Variants in USP3 observed in about 807,000 individuals in gnomAD.
The protein encoded by USP3 is ubiquitin specific peptidase 3, also known as ubiquitin carboxyl-terminal hydrolase 3.
A neutral mutation model predicts 72.3 loss-of-function variants in USP3; 20 were observed. That is an observed-to-expected ratio of 0.28 (90% confidence interval 0.19 to 0.40). USP3 has a LOEUF of 0.40. Among genes scored for constraint, USP3 ranks in the 10% least tolerant of loss-of-function variants. The pLI, the probability that USP3 is intolerant of heterozygous loss-of-function variation, is 1.00. For synonymous variants in USP3, 222 were observed against 225.3 expected, an observed-to-expected ratio of 0.99 and a Z score of 0.13; for missense variants, 479 against 633.9, an observed-to-expected ratio of 0.76 and a Z score of 2.62.
rs2152685922 is a variant in USP3 at position 63,591,079 on chromosome 15, ACTTAGT to A, written c.*258_*263del. 2.7e-6 allele frequency: 1 copy of A among 374,548 alleles called. No homozygotes were observed. Among genetic ancestry groups the A allele is most frequent in the Admixed American group, 4.6e-5 (1 of 21,706 alleles). The allele number at this position is 374,548 out of a possible 1,614,324, so 23.2% of individuals were successfully genotyped here. On this transcript the variant is annotated 3_prime_UTR_variant, in exon 15 of 15. Transcript: ENST00000380324. ...TCAATTTTTATAGGTAGTTGTAAGA[ACTTAGT>A]CTTATTTGACTTTTTTATTTTATGT...
Position 63,593,871 on chromosome 15 carries a change from A to G in USP3, c.*3045A>G, listed in dbSNP as rs1157408148. The G allele has an allele frequency of 1.3e-5, 2 of 152,238 alleles. No homozygotes were observed. The highest frequency in any genetic ancestry group is 3.9e-4 in the East Asian group (2 of 5,190). 9.4% of individuals were successfully genotyped at this position (152,238 alleles called of 1,614,324 possible). ...GAGGCAGGGCCTCGCGCTGAGTCACATGGCTCCTTGGAACAAGAAAACTTT... is the reference window on the plus strand; with the variant it reads ...GAGGCAGGGCCTCGCGCTGAGTCACGTGGCTCCTTGGAACAAGAAAACTTT... On this transcript the variant is annotated 3_prime_UTR_variant, in exon 15 of 15. Coordinates refer to ENST00000380324, the MANE Select transcript of USP3 (RefSeq NM_006537.4).
chr15:63,574,240 A>T lies in USP3; in HGVS notation c.1016-83A>T. 7.0e-7 allele frequency: 1 copy of T among 1,423,728 alleles called. No individual in the cohort carries two copies. The highest frequency in any genetic ancestry group is 1.5e-5 in the African/African-American group (1 of 68,328). 88.2% of individuals were successfully genotyped at this position (1,423,728 alleles called of 1,614,324 possible). A position where few individuals can be genotyped will look rare whatever the true frequency, so the allele number is the denominator to read the frequency against. On this transcript the variant is annotated intron_variant, in intron 10 of 14. Coordinates refer to ENST00000380324, the MANE Select transcript of USP3 (RefSeq NM_006537.4). This position sits in a 1 kb window ranked among gnomAD's most constrained non-coding sequence, Gnocchi z 4.6. Reference sequence around the variant, plus strand: ...AAAAAATAAGTGTAAAGAGAAATCTAGAAATACATCAGTTTGTGAAATTAT... The same window carrying T: ...AAAAAATAAGTGTAAAGAGAAATCTTGAAATACATCAGTTTGTGAAATTAT...
intron 2 of USP3, among the ~76,000 whole-genome samples, chr15:63,535,245 A>G (rs1322297888): frequency 3.9e-5 from 6 of 152,202 alleles, no homozygotes; most frequent in African/African-American, 9.7e-5. Flanking sequence ...ATTTTATTAA[A>G]TAGCGTTTCT....
intron 11 of USP3, among the ~76,000 whole-genome samples, chr15:63,582,646 C>T (rs2066983809): frequency 6.6e-6 from 1 of 152,162 alleles, no homozygotes; most frequent in South Asian, 2.1e-4. Context: ...AGGGAGACCA[C>T]TACATGGTCA....
Position 63,588,229 on chromosome 15 carries a change from C to G in USP3, c.1097-76C>G. The G allele has an allele frequency of 8.8e-7, 1 of 1,130,374 alleles. No individual in the cohort carries two copies. The highest frequency in any genetic ancestry group is 1.3e-6 in the Non-Finnish European group (1 of 798,694). 70.0% of individuals were successfully genotyped at this position (1,130,374 alleles called of 1,614,324 possible). On this transcript the variant is annotated intron_variant, in intron 11 of 14. Coordinates refer to ENST00000380324, the MANE Select transcript of USP3 (RefSeq NM_006537.4). This position sits in a 1 kb window ranked among gnomAD's most constrained non-coding sequence, Gnocchi z 4.6. ...AGCTAATAAAGCTGAGATTTTAAAC[C>G]TGGGTCTTTTTTCTACAGTACATTG...
At chr15:63,532,041 T>C (rs2066084106) in intron 1 of USP3, among the ~76,000 whole-genome samples, 1 of 152,192 alleles carries the variant, frequency 6.6e-6, no homozygotes, top group Non-Finnish European at 1.5e-5. Flanking sequence ...TTAATCAATA[T>C]TTCATTTCCA....
chr15:63,588,283 C>T lies in USP3; in HGVS notation c.1097-22C>T. ...CTACAAAAGGCATCTTGTTTTAATG[C>T]TGCCAAAATCAATTTGTTTAGATTG... On this transcript the variant is annotated intron_variant, in intron 11 of 14. Transcript: ENST00000380324. This position sits in a 1 kb window ranked among gnomAD's most constrained non-coding sequence, Gnocchi z 4.6. 6.4e-7 allele frequency: 1 copy of T among 1,559,070 alleles called. No individual in the cohort carries two copies. Among genetic ancestry groups the T allele is most frequent in the Non-Finnish European group, 8.7e-7 (1 of 1,152,312 alleles).
chr15:63,504,969 G>T (rs1276178911), intron 1 of USP3, 139 bp downstream of exon 1: 59 of 516,790 alleles, frequency 1.1e-4, no homozygotes, highest in Non-Finnish European at 1.4e-4. Flanking sequence ...GCTGGGGAGG[G>T]TACGCGATGA....
intron 6 of USP3, among the ~76,000 whole-genome samples, chr15:63,558,839 C>T (rs958380820): frequency 6.6e-6 from 1 of 152,172 alleles, no homozygotes; most frequent in African/African-American, 2.4e-5. Context: ...GGCGCCACTA[C>T]ACTCCAGCCT....
intron 8 of USP3, among the ~76,000 whole-genome samples, chr15:63,564,691 A>C (rs2066660287): frequency 6.6e-6 from 1 of 152,216 alleles, no homozygotes; most frequent in Non-Finnish European, 1.5e-5. Context: ...CGAATGTAGC[A>C]TGTGGAGTCT....
At chr15:63,573,981 GT>G in intron 9 of USP3, 64 bp from the exon 10 acceptor site, 1 of 1,187,408 alleles carries the variant, frequency 8.4e-7, no homozygotes, top group South Asian at 2.0e-5. Context: ...AATATTTGTA[GT>G]TTTTTAAATG....
chr15:63,565,302 T>TC (rs1337483250), intron 8 of USP3, among the ~76,000 whole-genome samples: 8 of 152,282 alleles, frequency 5.3e-5, no homozygotes, highest in Non-Finnish European at 4.4e-5. Flanking sequence ...TTCTTTTTTT[T>TC]CCCCACTGAA....
Position 63,528,226 on chromosome 15 carries a change from A to C in USP3, c.92-4421A>C, listed in dbSNP as rs962390176. 1.3e-5 allele frequency: 2 copies of C among 152,216 alleles called. No homozygotes were observed. The highest frequency in any genetic ancestry group is 4.8e-5 in the African/African-American group (2 of 41,438). The allele number at this position is 152,216 out of a possible 1,614,324, so 9.4% of individuals were successfully genotyped here. A position where few individuals can be genotyped will look rare whatever the true frequency, so the allele number is the denominator to read the frequency against. ...GTAAACCGAAGAAATTTGCTGGAGG[A>C]CGGGGTATCTTGGTTTGAGGAAATT... On this transcript the variant is annotated intron_variant, in intron 1 of 14. Coordinates refer to ENST00000380324, the MANE Select transcript of USP3 (RefSeq NM_006537.4). The surrounding 1 kb of genome is among the most constrained non-coding windows in gnomAD (Gnocchi z 4.3).
chr15:63,525,976 G>T (rs2065976031), intron 1 of USP3, among the ~76,000 whole-genome samples: 6 of 152,242 alleles, frequency 3.9e-5, no homozygotes, highest in Admixed American at 3.3e-4. Flanking sequence ...CTTGGATTTT[G>T]ATTTAACTTT....
At chr15:63,569,676 C>T (rs552296519) in intron 8 of USP3, among the ~76,000 whole-genome samples, 5 of 152,110 alleles carry the variant, frequency 3.3e-5, no homozygotes, top group African/African-American at 9.7e-5. Flanking sequence ...CTTCCCAGAC[C>T]TTCCACCTGT....
intron 9 of USP3, among the ~76,000 whole-genome samples, chr15:63,571,531 G>C (rs933438295): frequency 1.3e-5 from 2 of 152,154 alleles, no homozygotes; most frequent in African/African-American, 4.8e-5. Context: ...CCTGTGACCT[G>C]GGAGAATTGT....
In USP3 at chr15:63,529,564, A is replaced by G. The variant is rs1400881277; in HGVS notation, c.92-3083A>G. On this transcript the variant is annotated intron_variant, in intron 1 of 14. Transcript: ENST00000380324. The surrounding 1 kb of genome is among the most constrained non-coding windows in gnomAD (Gnocchi z 4.2). ...TTAAAAAAAATTAAAGCCTTGTGAG[A>G]TAGTTGATATTATAAGACTAGCTTT... 1.3e-5 allele frequency among the ~76,000 whole-genome samples: 2 copies of G among 152,218 alleles called. No individual in the cohort carries two copies. Among genetic ancestry groups the G allele is most frequent in the Non-Finnish European group, 2.9e-5 (2 of 68,038 alleles).
At chr15:63,516,926 C>CT (rs888622917) in intron 1 of USP3, among the ~76,000 whole-genome samples, 4 of 150,478 alleles carry the variant, frequency 2.7e-5, no homozygotes, top group South Asian at 2.1e-4. Context: ...CCAATTTATT[C>CT]TTTTTTTTCT....
intron 8 of USP3, among the ~76,000 whole-genome samples, chr15:63,567,930 T>A (rs2066716980): frequency 6.6e-6 from 1 of 152,220 alleles, no homozygotes; most frequent in African/African-American, 2.4e-5. Flanking sequence ...GTTCAAGACC[T>A]TCTAGGCTTT....
Sources: allele counts gnomAD v4.1 joint callset (sites outside exome capture counted in the v4.1 genomes callset), GRCh38; gene constraint gnomAD v4.1.1; non-coding constraint Gnocchi (gnomAD v3.1); transcripts MANE v1.5; gene names NCBI Gene and HGNC (gene_info 2026-07-23, HGNC 2026-07-21).